The following FAM168B variants were observed in gnomAD, a reference collection of about 807,000 sequenced individuals.
FAM168B encodes family with sequence similarity 168 member B.
A neutral mutation model predicts 21.8 loss-of-function variants in FAM168B; 19 were observed. The ratio of observed to expected loss-of-function variants is 0.87; its 90% CI spans 0.61 to 1.28. The LOEUF (loss-of-function observed/expected upper bound fraction) is 1.28. Ranked by LOEUF, FAM168B falls within the 50% of genes most tolerant of loss-of-function variation. The pLI, the probability that FAM168B is intolerant of heterozygous loss-of-function variation, is 0.00. For missense variants in FAM168B, 233 were observed against 263.1 expected, an observed-to-expected ratio of 0.89 and a Z score of 0.79; for synonymous variants, 126 against 104.8, an observed-to-expected ratio of 1.20 and a Z score of -1.24.
At chr2:131,069,625 C>G (rs1692756940) in intron 3 of FAM168B, among the ~76,000 whole-genome samples, 1 of 151,880 alleles carries the variant, frequency 6.6e-6, no homozygotes, top group Non-Finnish European at 1.5e-5. Flanking sequence ...TCTGGAGTAG[C>G]TGGGACTACA....
At position 131,050,875 on chromosome 2, in the gene FAM168B, G is replaced by A. The variant is rs1334095775; in HGVS notation, c.*1590C>T. 3.0e-6 allele frequency: 3 copies of A among 985,338 alleles called. No individual in the cohort carries two copies. The highest frequency in any genetic ancestry group is 6.2e-5 in the Admixed American group (1 of 16,246). The allele number at this position is 985,338 out of a possible 1,614,324, so 61.0% of individuals were successfully genotyped here. ...CCACTGCACTGGGAAGAAGACGCAC[G>A]CTCCTGCCCTAGAGGCCGCTGAAAG... is the stretch of plus-strand genomic sequence containing the variant. On this transcript the variant is annotated 3_prime_UTR_variant, in exon 7 of 7. Transcript: ENST00000389915.
Position 131,088,945 on chromosome 2 carries a change from G to A in FAM168B, c.-12+4269C>T, listed in dbSNP as rs1693855955. Among the ~76,000 whole-genome samples the A allele has an allele frequency of 3.3e-5, 5 of 150,844 alleles. No individual in the cohort carries two copies. In the South Asian group the frequency reaches 1.0e-3, roughly 31 times the overall value. On this transcript the variant is annotated intron_variant, in intron 1 of 6. Transcript: ENST00000389915. ...GTGGACTAAGAAACCCAAACCCAAGGCTGGATCTAGAGCGTACCACTTTTT... is the reference window on the plus strand; with the variant it reads ...GTGGACTAAGAAACCCAAACCCAAGACTGGATCTAGAGCGTACCACTTTTT...
intron 1 of FAM168B, among the ~76,000 whole-genome samples, chr2:131,092,122 A>C (rs569742857): frequency 1.1e-4 from 16 of 151,686 alleles, no homozygotes; most frequent in Admixed American, 5.3e-4. Context: ...CCAGTCTGGG[A>C]AACAGAGGGA....
chr2:131,093,420 G>C lies in FAM168B; in HGVS notation c.-218C>G, dbSNP rs956076306. ...GGCCCGGCCCGCCTCTCCGCAGCCCGCGCTCCCCGCCGACGCTGCGCAGCC... is the reference window on the plus strand; with the variant it reads ...GGCCCGGCCCGCCTCTCCGCAGCCCCCGCTCCCCGCCGACGCTGCGCAGCC... On this transcript the variant is annotated 5_prime_UTR_variant, in exon 1 of 7. Coordinates refer to ENST00000389915, the MANE Select transcript of FAM168B (RefSeq NM_001009993.4). 3.3e-5 allele frequency: 5 copies of C among 151,184 alleles called. No homozygotes were observed. The highest frequency in any genetic ancestry group is 1.2e-4 in the African/African-American group (5 of 41,400). 9.4% of individuals were successfully genotyped at this position (151,184 alleles called of 1,614,324 possible).
At chr2:131,072,219 G>C (rs1234390962) in intron 2 of FAM168B, among the ~76,000 whole-genome samples, 1 of 151,984 alleles carries the variant, frequency 6.6e-6, no homozygotes, top group Non-Finnish European at 1.5e-5. Context: ...TGCCTCCCAG[G>C]TTCAAGCGAT....
chr2:131,073,319 C>T (rs1692975163), intron 2 of FAM168B, among the ~76,000 whole-genome samples: 1 of 152,172 alleles, frequency 6.6e-6, no homozygotes, highest in African/African-American at 2.4e-5. Flanking sequence ...TCTCGAACTC[C>T]TGACCTCAGG....
chr2:131,049,893 T>C lies in FAM168B; in HGVS notation c.*2572A>G, dbSNP rs1231263123. ...ACTTTAATTTTACTAGAAGCGAATG[T>C]TGATAAAATTACAACCTATGACAGT... is the stretch of plus-strand genomic sequence containing the variant. On this transcript the variant is annotated 3_prime_UTR_variant, in exon 7 of 7. Coordinates refer to ENST00000389915, the MANE Select transcript of FAM168B (RefSeq NM_001009993.4). 5.1e-6 allele frequency: 5 copies of C among 985,698 alleles called. No individual in the cohort carries two copies. The highest frequency in any genetic ancestry group is 9.4e-5 in the South Asian group (2 of 21,290). The allele number at this position is 985,698 out of a possible 1,614,324, so 61.1% of individuals were successfully genotyped here. A position where few individuals can be genotyped will look rare whatever the true frequency, so the allele number is the denominator to read the frequency against.
At chr2:131,083,191 T>A (rs969018926) in intron 1 of FAM168B, among the ~76,000 whole-genome samples, 3 of 152,022 alleles carry the variant, frequency 2.0e-5, no homozygotes, top group African/African-American at 7.2e-5. Flanking sequence ...CCGTCTCTAC[T>A]AAAAATACAA....
chr2:131,052,900 T>A lies in FAM168B; in HGVS notation c.*3A>T. On this transcript the variant is annotated 3_prime_UTR_variant, in exon 6 of 7. Transcript: ENST00000389915. The stretch of plus-strand genomic sequence containing the variant: ...TTCCCTGGTCACTTACATTTGCAGG[T>A]GATCACCACTGAGGGGGCACATAGC... 1 of 1,553,502 alleles carries A rather than the reference T, an allele frequency of 6.4e-7. No individual in the cohort carries two copies.
intron 3 of FAM168B, among the ~76,000 whole-genome samples, chr2:131,062,738 G>T (rs529669999): frequency 6.6e-6 from 1 of 152,172 alleles, no homozygotes; most frequent in African/African-American, 2.4e-5. Context: ...ATGAGCCGCC[G>T]CGTCCGGCCT....
intron 1 of FAM168B, among the ~76,000 whole-genome samples, chr2:131,092,686 C>G (rs569649106): frequency 6.6e-6 from 1 of 152,096 alleles, no homozygotes; most frequent in Non-Finnish European, 1.5e-5. Context: ...GCACTGCACT[C>G]TTTTTTCAAA....
intron 1 of FAM168B, among the ~76,000 whole-genome samples, chr2:131,087,661 C>T (rs1693783556): frequency 6.6e-6 from 1 of 152,078 alleles, no homozygotes; most frequent in Non-Finnish European, 1.5e-5. Context: ...TAGGTACAAC[C>T]ACCAAGTGGA....
intron 3 of FAM168B, among the ~76,000 whole-genome samples, chr2:131,061,180 C>A (rs903481734): frequency 1.5e-5 from 2 of 134,894 alleles, no homozygotes; most frequent in Non-Finnish European, 3.2e-5. Flanking sequence ...GAAGGCCGGG[C>A]GTGGTGGCTC....
intron 3 of FAM168B, among the ~76,000 whole-genome samples, chr2:131,062,730 G>C (rs1692366854): frequency 6.6e-6 from 1 of 152,156 alleles, no homozygotes; most frequent in Non-Finnish European, 1.5e-5. Context: ...TTACAGGTAT[G>C]AGCCGCCGCG....
rs912998362 is a variant in FAM168B, at chr2:131,093,450, G to C, written c.-248C>G. On this transcript the variant is annotated 5_prime_UTR_variant, in exon 1 of 7. Transcript: ENST00000389915. ...CCCCGCCGACGCTGCGCAGCCACCG[G>C]AGCCGCCGACCTCACTTCCGCCTGA... 1 of 151,168 alleles carries C rather than the reference G, an allele frequency of 6.6e-6. No homozygotes were observed. The highest frequency in any genetic ancestry group is 1.5e-5 in the Non-Finnish European group (1 of 67,764). The allele number at this position is 151,168 out of a possible 1,614,324, so 9.4% of individuals were successfully genotyped here.
intron 2 of FAM168B, among the ~76,000 whole-genome samples, chr2:131,081,042 T>C (rs1457216265): frequency 2.0e-5 from 3 of 152,208 alleles, no homozygotes; most frequent in Admixed American, 2.0e-4. Flanking sequence ...TTTACTGTTC[T>C]GTTTTCCTCC....
rs1185286699 is a variant in FAM168B, at chr2:131,052,000, G to T, written c.*465C>A. On this transcript the variant is annotated 3_prime_UTR_variant, in exon 7 of 7. Transcript: ENST00000389915. ...ATCTAAGATATTTCAGATGCTCTAT[G>T]AAGAAATTCACTTTAACACTTATAA... is the stretch of plus-strand genomic sequence containing the variant. 2.0e-6 allele frequency: 2 copies of T among 985,648 alleles called. No individual in the cohort carries two copies. Among genetic ancestry groups the T allele is most frequent in the East Asian group, 1.1e-4 (1 of 8,822 alleles). The allele number at this position is 985,648 out of a possible 1,614,324, so 61.1% of individuals were successfully genotyped here. A position where few individuals can be genotyped will look rare whatever the true frequency, so the allele number is the denominator to read the frequency against.
intron 3 of FAM168B, among the ~76,000 whole-genome samples, 183 bp from the exon 4 acceptor site, chr2:131,055,878 C>T (rs966367583): frequency 2.6e-5 from 4 of 152,134 alleles, no homozygotes; most frequent in African/African-American, 9.7e-5. Flanking sequence ...TACGTGTGTG[C>T]ATGCACGTGT....
At chr2:131,073,811 G>A (rs1015992053) in intron 2 of FAM168B, among the ~76,000 whole-genome samples, 1 of 152,178 alleles carries the variant, frequency 6.6e-6, no homozygotes, top group African/African-American at 2.4e-5. Context: ...CTTACAGAAG[G>A]AGCTCTAACT....
Sources: allele counts gnomAD v4.1 joint callset (sites outside exome capture counted in the v4.1 genomes callset), GRCh38; gene constraint gnomAD v4.1.1; transcripts MANE v1.5; gene names NCBI Gene and HGNC (gene_info 2026-07-23, HGNC 2026-07-21).